MGA: variants seen among roughly 807,000 people sequenced by gnomAD.
MGA encodes the protein MAX gene-associated protein.
Under a neutral mutation model 261.1 loss-of-function variants are expected in MGA, and 40 were observed. That is an observed-to-expected ratio of 0.15 (90% CI 0.12 to 0.20). The LOEUF is 0.20. MGA is among the 10% of genes least tolerant of loss of function. The pLI, the probability that MGA is intolerant of heterozygous loss-of-function variation, is 1.00. For synonymous variants in MGA, 1,302 were observed against 1,290.6 expected, an observed-to-expected ratio of 1.01 and a Z score of -0.19; for missense variants, 3,397 against 3,630.5, an observed-to-expected ratio of 0.94 and a Z score of 1.65.
chr15:41,656,160 T>A (rs547841784), upstream of MGA, among the ~76,000 whole-genome samples: 1 of 152,196 alleles, frequency 6.6e-6, no homozygotes, highest in East Asian at 1.9e-4. Flanking sequence ...TACCTGATCA[T>A]GAGGGTTAGG....
At chr15:41,741,115 G>A (rs1269586738) in intron 14 of MGA, among the ~76,000 whole-genome samples, 3 of 152,036 alleles carry the variant, frequency 2.0e-5, no homozygotes, top group South Asian at 2.1e-4. Flanking sequence ...TTGGGAGGCC[G>A]AGGCGGGTGG....
chr15:41,660,768 C>G (rs757935474), intron 1 of MGA, among the ~76,000 whole-genome samples: 6 of 152,192 alleles, frequency 3.9e-5, no homozygotes, highest in Admixed American at 1.3e-4. Context: ...GCTCAGCTAC[C>G]TAACTGGGAA....
chr15:41,698,603 T>C (rs1027049665), intron 3 of MGA, among the ~76,000 whole-genome samples: 8 of 152,160 alleles, frequency 5.3e-5, no homozygotes, highest in African/African-American at 1.9e-4. Context: ...TACTTTGAGG[T>C]CAGTTAGCTC....
chr15:41,646,937 G>A (rs1245182919), intron 1 of MGA, among the ~76,000 whole-genome samples: 4 of 152,112 alleles, frequency 2.6e-5, no homozygotes, highest in East Asian at 1.9e-4. Flanking sequence ...CATATATGAT[G>A]TCAAGTAAAA....
At chr15:41,634,108 C>A (rs749555850) in intron 1 of MGA, among the ~76,000 whole-genome samples, 1 of 152,144 alleles carries the variant, frequency 6.6e-6, no homozygotes, top group East Asian at 1.9e-4. Flanking sequence ...CATCTCTCTT[C>A]CCTGCTTTAT....
At position 41,767,146 on chromosome 15, in the gene MGA, G is replaced by T; in HGVS notation, c.9064G>T (p.Gly3022Trp). 1.2e-6 allele frequency: 2 copies of T among 1,613,988 alleles called. No homozygotes were observed. The highest frequency in any genetic ancestry group is 1.7e-6 in the Non-Finnish European group (2 of 1,179,876). Reference sequence around the variant, plus strand: ...TTTGGCACCTATAGCTGCCAAAGTTGGGTCAGTTGGACACAAAATGAACTT... The same window carrying T: ...TTTGGCACCTATAGCTGCCAAAGTTTGGTCAGTTGGACACAAAATGAACTT... The change falls in exon 24 of 24, where the codon GGG becomes TGG. Residue 3022 changes from glycine to tryptophan, a missense_variant. Physicochemically the swap from Gly to Trp is radical, Grantham distance 184. Around this residue, in one of 9 missense-constraint regions of MGA, gnomAD observed 647 missense variants for 642.4 expected, o/e 1.01. Transcript: ENST00000219905.
upstream of MGA, among the ~76,000 whole-genome samples, chr15:41,658,464 G>A: frequency 6.6e-6 from 1 of 151,978 alleles, no homozygotes; most frequent in East Asian, 1.9e-4. Flanking sequence ...AAATAAAAAA[G>A]AAAAACAAGC....
Position 41,767,258 on chromosome 15 carries a change from C to T in MGA, c.9176C>T (p.Ser3059Leu), listed in dbSNP as rs747554211. The change falls in exon 24 of 24, where the codon TCA (serine) becomes TTA (leucine). Residue 3059 changes from serine to leucine, a missense_variant. Coordinates refer to ENST00000219905, the MANE Select transcript of MGA (RefSeq NM_001164273.2). ...GCTAAATTGGGCAACTCGGGGGCCT[C>T]ACCAAGTTCTGCAGGGAAATGAACT... 1.9e-6 allele frequency: 3 copies of T among 1,611,734 alleles called. No individual in the cohort carries two copies. The highest frequency in any genetic ancestry group is 1.1e-5 in the South Asian group (1 of 90,922).
intron 14 of MGA, among the ~76,000 whole-genome samples, chr15:41,740,949 T>C (rs2062055157): frequency 6.6e-6 from 1 of 152,236 alleles, no homozygotes; most frequent in African/African-American, 2.4e-5. Flanking sequence ...AATTCCTCTT[T>C]TTGTTGTTTC....
chr15:41,652,123 G>A (rs1014958579), intron 1 of MGA, among the ~76,000 whole-genome samples: 2 of 146,206 alleles, frequency 1.4e-5, no homozygotes, highest in South Asian at 4.4e-4. Context: ...CTGCCACCTC[G>A]CCCGGCTAAT....
Position 41,767,206 on chromosome 15 carries a change from G to T in MGA, c.9124G>T (p.Val3042Leu). Reference sequence around the variant, plus strand: ...TGACCAGGAAGGCCGGGAAAGCAAGGTGATGCCTACATTGGCACCTGTTGT... The same window carrying T: ...TGACCAGGAAGGCCGGGAAAGCAAGTTGATGCCTACATTGGCACCTGTTGT... The change falls in exon 24 of 24, where the codon GTG (valine) becomes TTG (leucine). Residue 3042 changes from valine to leucine, a missense_variant. By Grantham distance (32) the Val-to-Leu change is conservative. Coordinates refer to ENST00000219905, the MANE Select transcript of MGA (RefSeq NM_001164273.2). The T allele has an allele frequency of 6.2e-7, 1 of 1,614,032 alleles. No homozygotes were observed.
chr15:41,626,571 C>T (rs927370030), intron 1 of MGA, among the ~76,000 whole-genome samples: 3 of 151,576 alleles, frequency 2.0e-5, no homozygotes, highest in Non-Finnish European at 2.9e-5. Context: ...TACAGGCATG[C>T]GCCATCACGC....
chr15:41,695,112 T>TG (rs1172518866), intron 2 of MGA, among the ~76,000 whole-genome samples: 1 of 151,906 alleles, frequency 6.6e-6, no homozygotes, highest in Admixed American at 6.6e-5. Flanking sequence ...TATTTTGAGG[T>TG]GGGGGGAAAT....
intron 13 of MGA, among the ~76,000 whole-genome samples, chr15:41,737,503 C>G (rs1055080785): frequency 7.9e-5 from 12 of 152,100 alleles, no homozygotes; most frequent in African/African-American, 2.7e-4. Flanking sequence ...AGTAAAAATT[C>G]AGCCATATTT....
intron 2 of MGA, among the ~76,000 whole-genome samples, chr15:41,683,366 A>G (rs956536529): frequency 2.0e-4 from 30 of 151,750 alleles, no homozygotes; most frequent in Non-Finnish European, 2.9e-4. Context: ...GGGACTGACT[A>G]CAGGTGTGCA....
At chr15:41,624,557 G>A (rs1394856605) in intron 1 of MGA, among the ~76,000 whole-genome samples, 1 of 151,608 alleles carries the variant, frequency 6.6e-6, no homozygotes, top group Non-Finnish European at 1.5e-5. Context: ...CTGGTCTCGA[G>A]CTGCTGACCT....
intron 1 of MGA, among the ~76,000 whole-genome samples, chr15:41,651,654 CCT>C (rs1566933784): frequency 1.2e-4 from 13 of 105,834 alleles, no homozygotes; most frequent in Non-Finnish European, 1.7e-4. Context: ...CTCTCCTCTC[CCT>C]TCCCCCTTCT....
At chr15:41,656,337 T>TC (rs1204713691), upstream of MGA, among the ~76,000 whole-genome samples, 7 of 100,904 alleles carry the variant, frequency 6.9e-5, no homozygotes, top group African/African-American at 2.2e-4. Context: ...TCTCTCCCTC[T>TC]CCTCTCTTCT....
At chr15:41,658,824 C>T (rs1186740212), upstream of MGA, among the ~76,000 whole-genome samples, 1 of 151,834 alleles carries the variant, frequency 6.6e-6, no homozygotes. Context: ...CCTCACAGAT[C>T]CCCCAGTTAG....
Sources: gnomAD v4.1 joint callset for allele counts (sites outside exome capture counted in the v4.1 genomes callset) on GRCh38, gnomAD v4.1.1 for gene constraint, gnomAD v4.1.1 regional missense constraint, MANE v1.5 for transcripts, NCBI Gene and HGNC (gene_info 2026-07-23, HGNC 2026-07-21) for gene names.